UNC13C: variants seen among roughly 807,000 people sequenced by gnomAD.
UNC13C encodes protein unc-13 homolog C.
A neutral mutation model predicts 245.4 loss-of-function variants in UNC13C; 174 were observed. The ratio of observed to expected loss-of-function variants is 0.71; its 90% CI spans 0.63 to 0.80. The LOEUF is 0.80. Ranked by LOEUF, UNC13C falls within the 30% of genes least tolerant of loss-of-function variation. The probability of loss-of-function intolerance (pLI) is 0.00; values close to 1 mark genes in which losing one functional copy is unlikely to be tolerated. For missense variants in UNC13C, 2,829 were observed against 2,602.9 expected, an observed-to-expected ratio of 1.09 and a Z score of -1.89; for synonymous variants, 992 against 895.1, an observed-to-expected ratio of 1.11 and a Z score of -1.93.
chr15:54,066,256 G>T (rs1898070796), intron 2 of UNC13C, among the ~76,000 whole-genome samples: 1 of 152,170 alleles, frequency 6.6e-6, no homozygotes. Context: ...CTGTCTTCTA[G>T]CATGATGGCC....
At chr15:53,945,694 G>A in the UNC13C span, among the ~76,000 whole-genome samples, 1 of 151,844 alleles carries the variant, frequency 6.6e-6, no homozygotes, top group African/African-American at 2.4e-5. Flanking sequence ...ACCAGCTTTG[G>A]TCTTTTTGCT....
intron 2 of UNC13C, among the ~76,000 whole-genome samples, chr15:54,118,895 T>A (rs929725726): frequency 6.6e-6 from 1 of 151,400 alleles, no homozygotes. Flanking sequence ...ATTGAAATGA[T>A]CTTACGGTTT....
intron 30 of UNC13C, among the ~76,000 whole-genome samples, chr15:54,603,533 C>T (rs1038000806): frequency 3.9e-5 from 6 of 152,010 alleles, no homozygotes; most frequent in Admixed American, 2.0e-4. Context: ...ATAAGCACTC[C>T]CACCCCTGAA....
rs1901007481 is a variant in UNC13C, at chr15:54,624,401, AAAT to A, written c.6359+450_6359+452del. On this transcript the variant is annotated intron_variant, in intron 32 of 32. Coordinates refer to ENST00000260323, the MANE Select transcript of UNC13C (RefSeq NM_001080534.3). ...AGAGCAGAACATTTCAGACAAAGTGAAATAAATAGCTAGTACAAGGACTCTAAG... is the reference window on the plus strand; with the variant it reads ...AGAGCAGAACATTTCAGACAAAGTGAAAATAGCTAGTACAAGGACTCTAAG... 1.5e-3 allele frequency among the ~76,000 whole-genome samples: 15 copies of A among 9,998 alleles called. No individual in the cohort carries two copies. In the South Asian group the frequency reaches 0.036, roughly 24 times the overall value. 6.6% of individuals were successfully genotyped at this position (9,998 alleles called of 152,430 possible).
chr15:54,072,735 A>T (rs1220086383), intron 2 of UNC13C, among the ~76,000 whole-genome samples: 1 of 152,170 alleles, frequency 6.6e-6, no homozygotes, highest in East Asian at 1.9e-4. Context: ...TGTAATACAC[A>T]CTTTTGAGTC....
intron 4 of UNC13C, among the ~76,000 whole-genome samples, chr15:54,189,602 C>A (rs372039684): frequency 1.3e-5 from 2 of 151,902 alleles, no homozygotes; most frequent in Non-Finnish European, 2.9e-5. Context: ...AAAATGGAAA[C>A]AAGATAATTA....
chr15:54,517,037 C>T lies in UNC13C; in HGVS notation c.5457+5207C>T, dbSNP rs192838570. On this transcript the variant is annotated intron_variant, in intron 24 of 32. Coordinates refer to ENST00000260323, the MANE Select transcript of UNC13C (RefSeq NM_001080534.3). ...TTTGCAATCATATACAAAATTCTTG[C>T]AGTTTTTTAAGATTCTGGCCTTTAT... Among the ~76,000 whole-genome samples, 3 of 152,088 alleles carry T rather than the reference C, an allele frequency of 2.0e-5. No homozygotes were observed. The East Asian group carries it at 5.8e-4, about 30-fold the overall frequency.
chr15:54,554,948 T>C (rs148055414), intron 28 of UNC13C, among the ~76,000 whole-genome samples: 1,649 of 152,166 alleles, frequency 0.011, 33 homozygotes, highest in African/African-American at 0.038. Flanking sequence ...GTTAATTCCT[T>C]GGGGCTTTTC....
At chr15:54,628,753 G>GTTAT (rs1555404838), downstream of UNC13C, 1 of 152,062 alleles carries the variant, frequency 6.6e-6, no homozygotes, top group Admixed American at 6.6e-5. Context: ...TGTCAGAATG[G>GTTAT]TTATTATTAA....
chr15:54,132,322 G>A (rs138216450), intron 2 of UNC13C, among the ~76,000 whole-genome samples: 1,869 of 152,054 alleles, frequency 0.012, 23 homozygotes, highest in Non-Finnish European at 0.019. Flanking sequence ...TGCCTGCCTC[G>A]GCCTCCCAAA....
rs534860513 is a variant in UNC13C at position 54,423,810 on chromosome 15, C to T, written c.4933+8743C>T. Among the ~76,000 whole-genome samples the T allele has an allele frequency of 4.0e-5, 6 of 151,870 alleles. No individual in the cohort carries two copies. In the South Asian group the frequency reaches 8.3e-4, roughly 21 times the overall value. On this transcript the variant is annotated intron_variant, in intron 19 of 32. Transcript: ENST00000260323. ...ATATTTAACTTTGTATTTTTTCTATCATTTTCCTGCTATTAGTTTTTCAGC... is the reference window on the plus strand; with the variant it reads ...ATATTTAACTTTGTATTTTTTCTATTATTTTCCTGCTATTAGTTTTTCAGC...
Position 54,012,772 on chromosome 15 carries a change from T to C in UNC13C, c.-132T>C. On this transcript the variant is annotated 5_prime_UTR_variant, in exon 2 of 33. The change abolishes an upstream ATG in the 5' untranslated region. Coordinates refer to ENST00000260323, the MANE Select transcript of UNC13C (RefSeq NM_001080534.3). Reference sequence around the variant, plus strand: ...GGACAGCGACAATGTGGCAGAGCCATGCCTGCCCTTCCTGCTCTTTCCAGT... The same window carrying C: ...GGACAGCGACAATGTGGCAGAGCCACGCCTGCCCTTCCTGCTCTTTCCAGT... The C allele has an allele frequency of 1.4e-6, 1 of 703,246 alleles. No individual in the cohort carries two copies. The highest frequency in any genetic ancestry group is 2.4e-6 in the Non-Finnish European group (1 of 417,194). 43.6% of individuals were successfully genotyped at this position (703,246 alleles called of 1,614,324 possible).
At chr15:54,607,133 A>ATCTAG (rs1476851632) in intron 30 of UNC13C, among the ~76,000 whole-genome samples, 4 of 152,192 alleles carry the variant, frequency 2.6e-5, no homozygotes, top group Admixed American at 6.6e-5. Flanking sequence ...ATGAGTTGGT[A>ATCTAG]TCTAGTTCTA....
chr15:54,242,315 C>A (rs1483240326), intron 7 of UNC13C, among the ~76,000 whole-genome samples: 1 of 152,030 alleles, frequency 6.6e-6, no homozygotes, highest in Non-Finnish European at 1.5e-5. Context: ...GTTGAATCAA[C>A]TTATTTAATA....
At chr15:54,250,153 G>A in intron 7 of UNC13C, 72 bp from the exon 8 acceptor site, 1 of 1,415,404 alleles carries the variant, frequency 7.1e-7, no homozygotes, top group Non-Finnish European at 9.9e-7. Flanking sequence ...TGATAAAATG[G>A]TTTGTTTTAT....
chr15:54,315,904 C>T (rs2037996184), intron 13 of UNC13C, among the ~76,000 whole-genome samples: 1 of 151,452 alleles, frequency 6.6e-6, no homozygotes, highest in Non-Finnish European at 1.5e-5. Flanking sequence ...TTCTCAAATC[C>T]ATTTCCTCCT....
intron 19 of UNC13C, among the ~76,000 whole-genome samples, chr15:54,419,374 A>G (rs556288065): frequency 3.9e-5 from 6 of 152,242 alleles, no homozygotes; most frequent in African/African-American, 1.4e-4. Flanking sequence ...AGGCAAATCT[A>G]TTTGTTGAAC....
At chr15:54,169,283 A>T (rs1567064109) in intron 4 of UNC13C, among the ~76,000 whole-genome samples, 1 of 152,350 alleles carries the variant, frequency 6.6e-6, no homozygotes, top group East Asian at 1.9e-4. Context: ...TCTGATGGCT[A>T]TACGTTTACA....
intron 31 of UNC13C, 39 bp from the exon 32 acceptor site, chr15:54,623,756 A>C: frequency 6.4e-7 from 1 of 1,567,946 alleles, no homozygotes; most frequent in Non-Finnish European, 8.7e-7. Context: ...AAATTTCCAC[A>C]CATCTGTTTG....
Sources: allele counts gnomAD v4.1 joint callset (sites outside exome capture counted in the v4.1 genomes callset), GRCh38; gene constraint gnomAD v4.1.1; transcripts MANE v1.5; gene names NCBI Gene and HGNC (gene_info 2026-07-23, HGNC 2026-07-21).